Variants in WDR97 observed in about 807,000 individuals in gnomAD.
WDR97 encodes the protein WD repeat-containing protein 97.
A neutral mutation model predicts 65.4 loss-of-function variants in WDR97; 111 were observed. The ratio of observed to expected loss-of-function variants is 1.70; its 90% CI spans 1.45 to 1.99. WDR97 has a LOEUF of 1.99. Ranked by LOEUF, WDR97 falls within the 30% of genes most tolerant of loss-of-function variation. WDR97 has a pLI of 0.00. For synonymous variants in WDR97, 802 were observed against 397.7 expected (o/e 2.02, Z -12.10); for missense variants, 1,674 against 865.0 (o/e 1.94, Z -11.73).
rs529131932 is a variant in WDR97 at position 144,110,355 on chromosome 8, G to T, written c.1858G>T (p.Val620Leu). The change falls in exon 7 of 24, where the codon GTG (valine) becomes TTG (leucine). Residue 620 changes from valine to leucine, a missense_variant. By Grantham distance (32) the Val-to-Leu change is conservative. Coordinates refer to ENST00000323662, the MANE Select transcript of WDR97 (RefSeq NM_001316309.2). ...SIVSSGGDLT[V>L]KMWRVFPYAE... is the part of the protein sequence containing the mutation. ...GCTGCCCACAGGTGGGGACCTGACG[G>T]TGAAGATGTGGCGCGTCTTCCCCTA... The T allele has an allele frequency of 4.6e-4, 321 of 702,978 alleles. 1 individual carries two copies. The highest frequency in any genetic ancestry group is 7.1e-4 in the Non-Finnish European group (275 of 384,980). 43.5% of individuals were successfully genotyped at this position (702,978 alleles called of 1,614,324 possible).
At position 144,113,842 on chromosome 8, in the gene WDR97, C is replaced by T. The variant is rs529678124; in HGVS notation, c.3369C>T (p.His1123=). Reference sequence around the variant, plus strand: ...GGGCCTTGGCTTCCCTGAGCCCGCACTCCAACCAGCAGCTGGATTCCTGGG... The same window carrying T: ...GGGCCTTGGCTTCCCTGAGCCCGCATTCCAACCAGCAGCTGGATTCCTGGG... ...LDWALASLSP[H]SNQQLDSWEL... Residue 1123 remains histidine, a synonymous_variant, in exon 17 of 24, where the codon CAC becomes CAT. Transcript: ENST00000323662. The T allele has an allele frequency of 3.6e-5, 25 of 698,728 alleles. No individual in the cohort carries two copies. Among genetic ancestry groups the T allele is most frequent in the African/African-American group, 3.1e-4 (18 of 57,316 alleles). 43.3% of individuals were successfully genotyped at this position (698,728 alleles called of 1,614,324 possible).
chr8:144,111,013 G>A lies in WDR97; in HGVS notation c.2304+17G>A, dbSNP rs543927014. 1.7e-5 allele frequency: 12 copies of A among 702,652 alleles called. No individual in the cohort carries two copies. In the African/African-American group the frequency reaches 2.1e-4, roughly 12 times the overall value. 43.5% of individuals were successfully genotyped at this position (702,652 alleles called of 1,614,324 possible). On this transcript the variant is annotated intron_variant, in intron 9 of 23. Transcript: ENST00000323662. ...CTAGTTAAGGTGTGTGGTGAGGACAGAGTGAGCAAGGTGGGCCCCCCTTGC... is the reference window on the plus strand; with the variant it reads ...CTAGTTAAGGTGTGTGGTGAGGACAAAGTGAGCAAGGTGGGCCCCCCTTGC...
chr8:144,112,878 A>G, intron 15 of WDR97: 1 of 384,354 alleles, frequency 2.6e-6, no homozygotes, highest in East Asian at 4.5e-5. Context: ...CTGGAAGATC[A>G]GAATCCCTGC....
Position 144,112,429 on chromosome 8 carries a change from C to T in WDR97, c.3022-18C>T, listed in dbSNP as rs1417208572. On this transcript the variant is annotated intron_variant, in intron 14 of 23. Transcript: ENST00000323662. ...TGCTAGGGGCTGTGTTGTTCTGAGCCCCCATTCCATCCCCCAGATCCCACT... is the reference window on the plus strand; with the variant it reads ...TGCTAGGGGCTGTGTTGTTCTGAGCTCCCATTCCATCCCCCAGATCCCACT... 3 of 702,580 alleles carry T rather than the reference C, an allele frequency of 4.3e-6. No individual in the cohort carries two copies. In the South Asian group the frequency reaches 4.4e-5, roughly 10 times the overall value. 43.5% of individuals were successfully genotyped at this position (702,580 alleles called of 1,614,324 possible).
At chr8:144,111,029 C>T (rs775103951) in intron 9 of WDR97, 33 bp downstream of exon 9, 6 of 702,152 alleles carry the variant, frequency 8.5e-6, no homozygotes, top group Middle Eastern at 2.3e-4. Context: ...GCAAGGTGGG[C>T]CCCCCTTGCT....
In WDR97 at chr8:144,112,056, G is replaced by A. The variant is rs1328858508; in HGVS notation, c.2807G>A (p.Gly936Glu). ...ACAGCCCTGTCCCCACAGGACCTGG[G>A]AGCCCTGGGCCAGCACTTCTCCCAG... is the stretch of plus-strand genomic sequence containing the variant. ...VPTALSPQDL[G>E]ALGQHFSQSP... Residue 936 changes from glycine (G) to glutamate (E), a missense_variant, in exon 13 of 24, where the codon GGA (glycine) becomes GAA (glutamate). Coordinates refer to ENST00000323662, the MANE Select transcript of WDR97 (RefSeq NM_001316309.2). The A allele has an allele frequency of 1.4e-6, 1 of 702,702 alleles. No homozygotes were observed. Among genetic ancestry groups the A allele is most frequent in the East Asian group, 2.7e-5 (1 of 37,280 alleles). The allele number at this position is 702,702 out of a possible 1,614,324, so 43.5% of individuals were successfully genotyped here. A position where few individuals can be genotyped will look rare whatever the true frequency, so the allele number is the denominator to read the frequency against.
Position 144,116,234 on chromosome 8 carries a change from C to G in WDR97, c.4810C>G (p.Gln1604Glu). ...PPRPLPPRLL[Q>E]PALQRYFLPA... The stretch of plus-strand genomic sequence containing the variant: ...GCGCCCGCTGCCCCCGCGGCTCCTG[C>G]AGCCGGCCCTGCAGCGCTACTTTCT... Residue 1604 changes from glutamine to glutamate, a missense_variant, in exon 24 of 24, where the codon CAG becomes GAG. Gln to Glu is a conservative substitution (Grantham distance 29, BLOSUM62 2). Coordinates refer to ENST00000323662, the MANE Select transcript of WDR97 (RefSeq NM_001316309.2). The G allele has an allele frequency of 1.5e-6, 1 of 680,892 alleles. No homozygotes were observed. The highest frequency in any genetic ancestry group is 1.5e-5 in the South Asian group (1 of 65,500). 42.2% of individuals were successfully genotyped at this position (680,892 alleles called of 1,614,324 possible).
In WDR97 at chr8:144,113,700, C is replaced by T. The variant is rs976846488; in HGVS notation, c.3227C>T (p.Pro1076Leu). Residue 1076 changes from proline to leucine, a missense_variant, in exon 17 of 24, where the codon CCA (proline) becomes CTA (leucine). Pro to Leu is a moderately conservative substitution (Grantham distance 98, BLOSUM62 -3). Transcript: ENST00000323662. The stretch of plus-strand genomic sequence containing the variant: ...GCCCTGTGGTTGTGGCGCCCCAGGC[C>T]ATCCCAAACCCAGTGGCAGAGGAAG... The part of the protein sequence containing the change: ...QDALWLWRPR[P>L]SQTQWQRKLL... The T allele has an allele frequency of 1.5e-6, 1 of 678,754 alleles. No individual in the cohort carries two copies. The highest frequency in any genetic ancestry group is 2.7e-6 in the Non-Finnish European group (1 of 370,850). The allele number at this position is 678,754 out of a possible 1,614,324, so 42.0% of individuals were successfully genotyped here. A position where few individuals can be genotyped will look rare whatever the true frequency, so the allele number is the denominator to read the frequency against.
At position 144,115,563 on chromosome 8, in the gene WDR97, C is replaced by G. The variant is rs763355053; in HGVS notation, c.4300C>G (p.Arg1434Gly). ...PKRSWGTPQLRLRVLSETLKS... is the reference protein window; with the variant it reads ...PKRSWGTPQLGLRVLSETLKS... ...GCGCAGCTGGGGGACCCCTCAGCTC[C>G]GTCTCAGAGTGCTCTCCGAGACGCT... Residue 1434 changes from arginine to glycine, a missense_variant, in exon 22 of 24, where the codon CGT (arginine) becomes GGT (glycine). Coordinates refer to ENST00000323662, the MANE Select transcript of WDR97 (RefSeq NM_001316309.2). The G allele has an allele frequency of 4.3e-6, 3 of 694,844 alleles. No individual in the cohort carries two copies. Among genetic ancestry groups the G allele is most frequent in the Non-Finnish European group, 7.9e-6 (3 of 380,278 alleles). 43.0% of individuals were successfully genotyped at this position (694,844 alleles called of 1,614,324 possible). A position where few individuals can be genotyped will look rare whatever the true frequency, so the allele number is the denominator to read the frequency against.
intron 18 of WDR97, 32 bp downstream of exon 18, chr8:144,114,194 T>C: frequency 2.9e-6 from 2 of 698,726 alleles, no homozygotes; most frequent in Non-Finnish European, 5.2e-6. Flanking sequence ...ATGAGAAGCA[T>C]GGGTTAGGGT....
Position 144,107,757 on chromosome 8 carries a change from G to A in WDR97, c.7G>A (p.Ala3Thr), listed in dbSNP as rs1836446416. 4 of 702,834 alleles carry A rather than the reference G, an allele frequency of 5.7e-6. 1 individual carries two copies. In the South Asian group the frequency reaches 5.9e-5, roughly 10 times the overall value. 43.5% of individuals were successfully genotyped at this position (702,834 alleles called of 1,614,324 possible). A position where few individuals can be genotyped will look rare whatever the true frequency, so the allele number is the denominator to read the frequency against. The change falls in exon 1 of 24, where the codon GCA (alanine) becomes ACA (threonine). Residue 3 changes from alanine (A) to threonine (T), a missense_variant. Ala to Thr is a moderately conservative substitution (Grantham distance 58). Coordinates refer to ENST00000323662, the MANE Select transcript of WDR97 (RefSeq NM_001316309.2). Reference protein sequence around the residue: MEAEVWEAEGYNL... With the variant: METEVWEAEGYNL... ...TGGGACCGCAGTTGCTGAAATGGAGGCAGAGGTGTGGGAGGCAGAAGGCTA... is the reference window on the plus strand; with the variant it reads ...TGGGACCGCAGTTGCTGAAATGGAGACAGAGGTGTGGGAGGCAGAAGGCTA...
At chr8:144,112,817 C>T in intron 15 of WDR97, 1 of 513,728 alleles carries the variant, frequency 1.9e-6, no homozygotes, top group East Asian at 3.1e-5. Context: ...ATGCCACACA[C>T]CCCTTTCCCC....
rs1019505134 is a variant in WDR97, at chr8:144,114,039, T to C, written c.3471T>C (p.Pro1157=). The stretch of plus-strand genomic sequence containing the variant: ...GCTGCAAGGTTGCCAGGACCCACCC[T>C]CATCCCTGGCACCGTCATGGGAGTT... ...RRSCKVARTH[P]HPWHRHGSLL... Residue 1157 remains proline (P), a synonymous_variant, in exon 18 of 24, where the codon CCT becomes CCC. Transcript: ENST00000323662. The C allele has an allele frequency of 1.0e-5, 7 of 702,828 alleles. No homozygotes were observed. The highest frequency in any genetic ancestry group is 1.3e-5 in the Non-Finnish European group (5 of 384,982). The allele number at this position is 702,828 out of a possible 1,614,324, so 43.5% of individuals were successfully genotyped here. A position where few individuals can be genotyped will look rare whatever the true frequency, so the allele number is the denominator to read the frequency against.
Position 144,116,271 on chromosome 8 carries a change from C to A in WDR97, c.4847C>A (p.Ala1616Glu). Residue 1616 changes from alanine to glutamate, a missense_variant, in exon 24 of 24, where the codon GCG becomes GAG. Ala to Glu is a moderately radical substitution (Grantham distance 107). Coordinates refer to ENST00000323662, the MANE Select transcript of WDR97 (RefSeq NM_001316309.2). ...CAGCGCTACTTTCTGCCAGCGGACG[C>A]GGACCCTGACACCTACAGCTGACCG... is the stretch of plus-strand genomic sequence containing the variant. ...ALQRYFLPAD[A>E]DPDTYS 1.5e-6 allele frequency: 1 copy of A among 654,620 alleles called. No individual in the cohort carries two copies. Among genetic ancestry groups the A allele is most frequent in the African/African-American group, 1.8e-5 (1 of 55,302 alleles). 40.6% of individuals were successfully genotyped at this position (654,620 alleles called of 1,614,324 possible). A position where few individuals can be genotyped will look rare whatever the true frequency, so the allele number is the denominator to read the frequency against.
chr8:144,112,962 T>G, intron 15 of WDR97: 1 of 284,196 alleles, frequency 3.5e-6, no homozygotes, highest in Non-Finnish European at 6.6e-6. Flanking sequence ...GTACACCAGG[T>G]GCCCAGGCAG....
In WDR97 at chr8:144,113,760, AG is replaced by A; in HGVS notation, c.3292del (p.Glu1098ArgfsTer23). On this transcript the variant is annotated frameshift_variant, in exon 17 of 24. Transcript: ENST00000323662. LOFTEE classifies it high-confidence loss of function. ...LQWMGEKPGE[E>X]GEEDKKEEEE... ...TGGATGGGGGAGAAGCCTGGGGAGG[AG>A]GGGGAGGAAGACAAGAAGGAAGAGG... is the stretch of plus-strand genomic sequence containing the variant. The A allele has an allele frequency of 1.4e-6, 1 of 702,006 alleles. No homozygotes were observed. The allele number at this position is 702,006 out of a possible 1,614,324, so 43.5% of individuals were successfully genotyped here.
At position 144,114,285 on chromosome 8, in the gene WDR97, C is replaced by T. The variant is rs543467041; in HGVS notation, c.3602C>T (p.Pro1201Leu). 88 of 701,078 alleles carry T rather than the reference C, an allele frequency of 1.3e-4. No homozygotes were observed. The highest frequency in any genetic ancestry group is 1.1e-3 in the East Asian group (41 of 37,204). 43.4% of individuals were successfully genotyped at this position (701,078 alleles called of 1,614,324 possible). A position where few individuals can be genotyped will look rare whatever the true frequency, so the allele number is the denominator to read the frequency against. Reference sequence around the variant, plus strand: ...CAGCATGCTACCCTGCAGGCATACCCGGAGGCGGGCACGATCGAGGGCCTG... The same window carrying T: ...CAGCATGCTACCCTGCAGGCATACCTGGAGGCGGGCACGATCGAGGGCCTG... ...LFPIFSLQAY[P>L]EAGTIEGLAS... The change falls in exon 19 of 24, where the codon CCG becomes CTG. Residue 1201 changes from proline to leucine, a missense_variant. Physicochemically the swap from Pro to Leu is moderately conservative, Grantham distance 98. Transcript: ENST00000323662.
rs868780742 is a variant in WDR97 at position 144,113,486 on chromosome 8, C to T, written c.3152C>T (p.Ala1051Val). 21 of 702,060 alleles carry T rather than the reference C, an allele frequency of 3.0e-5. No homozygotes were observed. The highest frequency in any genetic ancestry group is 2.4e-4 in the African/African-American group (14 of 57,272). 43.5% of individuals were successfully genotyped at this position (702,060 alleles called of 1,614,324 possible). A position where few individuals can be genotyped will look rare whatever the true frequency, so the allele number is the denominator to read the frequency against. The part of the protein sequence containing the change: ...ICFPGYVPNS[A>V]VLQQMWLNAE... ...TTCCCCGGCTATGTGCCCAACTCCGCGGTGCTACAGCAGATGTGGCTAAAT... is the reference window on the plus strand; with the variant it reads ...TTCCCCGGCTATGTGCCCAACTCCGTGGTGCTACAGCAGATGTGGCTAAAT... Residue 1051 changes from alanine (A) to valine (V), a missense_variant, in exon 16 of 24, where the codon GCG (alanine) becomes GTG (valine). Transcript: ENST00000323662.
intron 1 of WDR97, 21 bp downstream of exon 1, chr8:144,107,883 C>T: frequency 1.4e-6 from 1 of 702,834 alleles, no homozygotes; most frequent in Non-Finnish European, 2.6e-6. Context: ...CTGGCCTCGC[C>T]CTCCGGGCAT....
Sources: allele counts gnomAD v4.1 joint callset, GRCh38; gene constraint gnomAD v4.1.1; transcripts MANE v1.5; gene names NCBI Gene and HGNC (gene_info 2026-07-23, HGNC 2026-07-21).